Variants in TTLL3 observed in about 807,000 individuals in gnomAD.
TTLL3 encodes tubulin monoglycylase TTLL3.
A neutral mutation model predicts 75.2 loss-of-function variants in TTLL3; 63 were observed. That is an observed-to-expected ratio of 0.84 (90% CI 0.68 to 1.03). The LOEUF (loss-of-function observed/expected upper bound fraction) is 1.03, where lower values mean the gene tolerates loss of function less well. TTLL3 is among the 50% of genes least tolerant of loss of function. The pLI is 0.00. For synonymous variants in TTLL3, 393 were observed against 418.5 expected (o/e 0.94, Z 0.74); for missense variants, 997 against 1,069.9 (o/e 0.93, Z 0.95).
intron 3 of TTLL3, 59 bp from the exon 4 acceptor site, chr3:9,813,188 GC>G: frequency 6.2e-7 from 1 of 1,612,662 alleles, no homozygotes; most frequent in South Asian, 1.1e-5. Context: ...CAGAGTTGAG[GC>G]CTTATGGGCT....
intron 11 of TTLL3, among the ~76,000 whole-genome samples, chr3:9,831,634 A>T (rs1275235201): frequency 2.0e-5 from 3 of 152,124 alleles, no homozygotes; most frequent in Non-Finnish European, 2.9e-5. Context: ...AATTGTTTTG[A>T]TACCAGTTTT....
chr3:9,810,262 AGCCCCGCCCCTGCGCGCC>A lies in TTLL3; in HGVS notation c.-170_-153del. On this transcript the variant is annotated 5_prime_UTR_variant, in exon 1 of 14. Transcript: ENST00000685419. This position sits in a 1 kb window ranked among gnomAD's most constrained non-coding sequence, Gnocchi z 4.4. ...CGCAGGCGGCAGATGCCAGGCGGGCAGCCCCGCCCCTGCGCGCCGCCTCAGCGGCGCCTTCAAGACGCT... is the reference window on the plus strand; with the variant it reads ...CGCAGGCGGCAGATGCCAGGCGGGCAGCCTCAGCGGCGCCTTCAAGACGCT... 1 of 1,508,036 alleles carries A rather than the reference AGCCCCGCCCCTGCGCGCC, an allele frequency of 6.6e-7. No individual in the cohort carries two copies. Among genetic ancestry groups the A allele is most frequent in the Non-Finnish European group, 8.8e-7 (1 of 1,136,998 alleles). 93.4% of individuals were successfully genotyped at this position (1,508,036 alleles called of 1,614,324 possible).
Position 9,810,808 on chromosome 3 carries a change from GAA to G in TTLL3, c.48+104_48+105del. ...ATATCCTTAAAAAACAAAAGCAAAA[GAA>G]AAAACAATAGCAAAAATCCTCAACC... is the stretch of plus-strand genomic sequence containing the variant. On this transcript the variant is annotated intron_variant, in intron 2 of 13. Transcript: ENST00000685419. The surrounding 1 kb of genome is among the most constrained non-coding windows in gnomAD (Gnocchi z 4.4). 2 of 1,174,600 alleles carry G rather than the reference GAA, an allele frequency of 1.7e-6. No individual in the cohort carries two copies. Among genetic ancestry groups the G allele is most frequent in the Non-Finnish European group, 2.4e-6 (2 of 848,278 alleles). 72.8% of individuals were successfully genotyped at this position (1,174,600 alleles called of 1,614,324 possible). A position where few individuals can be genotyped will look rare whatever the true frequency, so the allele number is the denominator to read the frequency against.
intron 8 of TTLL3, among the ~76,000 whole-genome samples, chr3:9,821,862 G>A (rs542072501): frequency 1.6e-3 from 236 of 152,000 alleles, no homozygotes; most frequent in African/African-American, 5.2e-3. Flanking sequence ...AATTAGCTGG[G>A]CATGGTGGCG....
In TTLL3 at chr3:9,827,195, A is replaced by G. The variant is rs2081121495; in HGVS notation, c.1202A>G (p.Tyr401Cys). Reference protein sequence around the residue: ...PLTVWFYRDSYIRFSTQPFSL... With the variant: ...PLTVWFYRDSCIRFSTQPFSL... The stretch of plus-strand genomic sequence containing the variant: ...ACCGTGTGGTTCTACCGCGACAGCT[A>G]TATCCGCTTTTCCACGCAGCCCTTC... Residue 401 changes from tyrosine (Y) to cysteine (C), a missense_variant, in exon 10 of 14, where the codon TAT becomes TGT. Transcript: ENST00000685419. The G allele has an allele frequency of 1.2e-6, 2 of 1,614,232 alleles. No individual in the cohort carries two copies. Among genetic ancestry groups the G allele is most frequent in the Non-Finnish European group, 1.7e-6 (2 of 1,180,036 alleles).
intron 7 of TTLL3, chr3:9,819,367 A>C: frequency 3.3e-6 from 1 of 307,290 alleles, no homozygotes; most frequent in Non-Finnish European, 5.0e-6. Context: ...TGTCCCAGGT[A>C]CTTAGACACT....
chr3:9,826,452 G>C lies in TTLL3; in HGVS notation c.1003+504G>C, dbSNP rs1454849831. ...TACTTTAAAAAAGCCCCCAACACTG[G>C]CCAGGTACAGTGGCTCATGCTTGTA... On this transcript the variant is annotated intron_variant, in intron 9 of 13. Transcript: ENST00000685419. Among the ~76,000 whole-genome samples, 8 of 152,136 alleles carry C rather than the reference G, an allele frequency of 5.3e-5. No homozygotes were observed. In the South Asian group the frequency reaches 8.3e-4, roughly 16 times the overall value.
intron 8 of TTLL3, among the ~76,000 whole-genome samples, chr3:9,824,496 C>T (rs6808734): frequency 0.17 from 26,525 of 152,186 alleles, 2,558 homozygotes; most frequent in African/African-American, 0.23. Flanking sequence ...CTACAACCTC[C>T]GCCTCCTGGC....
chr3:9,820,810 G>A, intron 8 of TTLL3, 69 bp downstream of exon 8: 1 of 1,574,896 alleles, frequency 6.3e-7, no homozygotes, highest in Non-Finnish European at 8.6e-7. Context: ...TCTGTCTCGT[G>A]CAGCCCCTAC....
At chr3:9,825,987 C>T (rs746353744) in intron 9 of TTLL3, 39 bp downstream of exon 9, 8 of 1,602,722 alleles carry the variant, frequency 5.0e-6, no homozygotes, top group Non-Finnish European at 6.8e-6. Flanking sequence ...GGCACCTCAC[C>T]ACCTGCATCT....
intron 6 of TTLL3, chr3:9,818,536 T>G: frequency 1.6e-6 from 1 of 629,826 alleles, no homozygotes; most frequent in Non-Finnish European, 2.1e-6. Context: ...GCCTGGCTAA[T>G]TTTTTGTATT....
rs1323384873 is a variant in TTLL3, at chr3:9,810,437, C to T, written c.-42+43C>T. 3.5e-6 allele frequency: 5 copies of T among 1,424,486 alleles called. No homozygotes were observed. Among genetic ancestry groups the T allele is most frequent in the Non-Finnish European group, 2.7e-6 (3 of 1,094,166 alleles). The allele number at this position is 1,424,486 out of a possible 1,614,324, so 88.2% of individuals were successfully genotyped here. ...CGCTCGCTCTGGCCTACAGCGGCTG[C>T]GAGGACGACAAGACGCTGGGGTGGA... is the stretch of plus-strand genomic sequence containing the variant. On this transcript the variant is annotated intron_variant, in intron 1 of 13. Coordinates refer to ENST00000685419, the MANE Select transcript of TTLL3 (RefSeq NM_001387446.1). The surrounding 1 kb of genome is among the most constrained non-coding windows in gnomAD (Gnocchi z 4.4).
At chr3:9,834,392 C>T in intron 12 of TTLL3, 1 of 612,046 alleles carries the variant, frequency 1.6e-6, no homozygotes. Context: ...TTACACCAAC[C>T]TAGCAAGGTA....
At chr3:9,810,201 G>T (rs2079209930), upstream of TTLL3, 1 of 1,484,202 alleles carries the variant, frequency 6.7e-7, no homozygotes, top group East Asian at 2.9e-5. The surrounding 1 kb of genome is among the most constrained non-coding windows in gnomAD (Gnocchi z 4.4). Flanking sequence ...GGCTGCCATG[G>T]GCCGGCCCTG....
chr3:9,821,705 T>A (rs1448072695), intron 8 of TTLL3, among the ~76,000 whole-genome samples: 1 of 152,168 alleles, frequency 6.6e-6, no homozygotes, highest in African/African-American at 2.4e-5. Context: ...CATTTTAAAT[T>A]AAGAATTATC....
At chr3:9,827,599 A>T (rs9846665) in intron 10 of TTLL3, 2 of 253,674 alleles carry the variant, frequency 7.9e-6, no homozygotes, top group Non-Finnish European at 1.6e-5. Context: ...GGGTCTCACT[A>T]TGTTGCCCAG....
chr3:9,831,231 A>C (rs1189391310), intron 11 of TTLL3, among the ~76,000 whole-genome samples: 1 of 151,720 alleles, frequency 6.6e-6, no homozygotes, highest in South Asian at 2.1e-4. Context: ...TTTTGACCCC[A>C]TAGTTTTGAT....
intron 7 of TTLL3, 68 bp from the exon 8 acceptor site, chr3:9,820,478 G>T: frequency 6.3e-7 from 1 of 1,590,280 alleles, no homozygotes; most frequent in Non-Finnish European, 8.6e-7. Context: ...TAGGACAATG[G>T]GGGCTGTGGC....
intron 12 of TTLL3, 84 bp from the exon 13 acceptor site, chr3:9,834,597 C>T: frequency 6.3e-7 from 1 of 1,577,560 alleles, no homozygotes; most frequent in Non-Finnish European, 8.6e-7. Context: ...TCCATATCCC[C>T]CCATCCTCCA....
Sources: gnomAD v4.1 joint callset for allele counts (sites outside exome capture counted in the v4.1 genomes callset) on GRCh38, gnomAD v4.1.1 for gene constraint, Gnocchi (gnomAD v3.1) non-coding constraint, MANE v1.5 for transcripts, NCBI Gene and HGNC (gene_info 2026-07-23, HGNC 2026-07-21) for gene names.